Variants in TAMM41 observed in about 807,000 individuals in gnomAD.
The protein encoded by TAMM41 is TAM41 mitochondrial translocator assembly and maintenance homolog, also known as phosphatidate cytidylyltransferase, mitochondrial.
In TAMM41, 36 loss-of-function variants were observed where a neutral mutation model predicts 44.1. That is an observed-to-expected ratio of 0.82 (90% CI 0.63 to 1.08). The LOEUF is 1.08. TAMM41 is among the 50% of genes least tolerant of loss of function. The pLI is 0.00. For synonymous variants in TAMM41, 164 were observed against 153.1 expected (o/e 1.07, Z -0.53); for missense variants, 417 against 404.3 (o/e 1.03, Z -0.27).
chr3:11,782,402 C>G, the TAMM41 span, among the ~76,000 whole-genome samples: 1 of 151,836 alleles, frequency 6.6e-6, no homozygotes, highest in African/African-American at 2.4e-5. Flanking sequence ...AAAAAATTAG[C>G]CAGGGGTGGT....
chr3:11,844,168 G>C lies in TAMM41; in HGVS notation c.179C>G (p.Ala60Gly), dbSNP rs752473006. Residue 60 changes from alanine to glycine, a missense_variant, in exon 2 of 8, where the codon GCA becomes GGA. Transcript: ENST00000455809. Reference protein sequence around the residue: ...DFVFTVDDPVAWHSKNLKKNW... With the variant: ...DFVFTVDDPVGWHSKNLKKNW... ...TTTCTTCAGGTTCTTTGAATGCCAT[G>C]CGACAGGGTCATCTACTGTGAACAC... The C allele has an allele frequency of 6.2e-7, 1 of 1,614,186 alleles. No individual in the cohort carries two copies. The highest frequency in any genetic ancestry group is 1.1e-5 in the South Asian group (1 of 91,084).
chr3:11,756,141 A>G, the TAMM41 span, among the ~76,000 whole-genome samples: 1 of 152,184 alleles, frequency 6.6e-6, no homozygotes, highest in Non-Finnish European at 1.5e-5. Flanking sequence ...AGTGCTCTGC[A>G]CATAGTAGGT....
At chr3:11,744,456 G>C in the TAMM41 span, among the ~76,000 whole-genome samples, 1 of 151,988 alleles carries the variant, frequency 6.6e-6, no homozygotes, top group African/African-American at 2.4e-5. Context: ...CACTTTGTGG[G>C]GGCCAAGGCT....
At chr3:11,747,063 A>G in the TAMM41 span, among the ~76,000 whole-genome samples, 89 of 152,258 alleles carry the variant, frequency 5.8e-4, 1 homozygote, top group East Asian at 0.016. Flanking sequence ...GACGTGTGGT[A>G]GAACTTTATT....
the TAMM41 span, among the ~76,000 whole-genome samples, chr3:11,755,034 AG>A: frequency 6.6e-6 from 1 of 151,968 alleles, no homozygotes; most frequent in Non-Finnish European, 1.5e-5. Context: ...CCTTCCTTCT[AG>A]GATTCTGAAC....
intron 7 of TAMM41, chr3:11,807,305 C>T (rs1263715592): frequency 2.9e-5 from 42 of 1,444,716 alleles, no homozygotes; most frequent in East Asian, 1.5e-4. Context: ...TGGGAGGGTG[C>T]GTACATTTGA....
chr3:11,771,047 T>C, the TAMM41 span, among the ~76,000 whole-genome samples: 1 of 151,776 alleles, frequency 6.6e-6, no homozygotes, highest in Non-Finnish European at 1.5e-5. Flanking sequence ...TCTCTAGGCT[T>C]AGGACCCAGG....
intron 7 of TAMM41, among the ~76,000 whole-genome samples, chr3:11,795,335 C>T (rs2077579126): frequency 6.6e-6 from 1 of 152,210 alleles, no homozygotes; most frequent in African/African-American, 2.4e-5. Flanking sequence ...ATGAATGGCT[C>T]TACTGCTTCC....
rs1240049932 is a variant in TAMM41, at chr3:11,807,835, G to T, written c.935C>A (p.Ala312Asp). 7 of 1,536,024 alleles carry T rather than the reference G, an allele frequency of 4.6e-6. No individual in the cohort carries two copies. The highest frequency in any genetic ancestry group is 6.1e-6 in the Non-Finnish European group (7 of 1,146,928). Residue 312 changes from alanine to aspartate, a missense_variant and splice_region_variant, in exon 7 of 8, where the codon GCT (alanine) becomes GAT (aspartate). By Grantham distance (126) the Ala-to-Asp change is moderately radical. Transcript: ENST00000455809. ...ACACGGATTTCCAAAGCTCTTACCA[G>T]CAGTAAAAATGCCTTTCGTGCTCTG... ...IRQSTKGIFT[A>D]GLKKSVIYSS... is the part of the protein sequence containing the mutation.
chr3:11,800,689 G>T (rs978143068), intron 7 of TAMM41, among the ~76,000 whole-genome samples: 1 of 151,996 alleles, frequency 6.6e-6, no homozygotes, highest in Non-Finnish European at 1.5e-5. Flanking sequence ...TAGCTCTAAA[G>T]AAAGAGATAG....
At chr3:11,746,541 G>A in the TAMM41 span, among the ~76,000 whole-genome samples, 96 of 151,930 alleles carry the variant, frequency 6.3e-4, 1 homozygote, top group Admixed American at 3.9e-4. Context: ...AGCAATAAAA[G>A]AACTACTGAT....
intron 1 of TAMM41, 109 bp downstream of exon 1, chr3:11,846,393 C>G: frequency 7.8e-7 from 1 of 1,279,234 alleles, no homozygotes; most frequent in Non-Finnish European, 1.1e-6. Context: ...CTAGTGGACA[C>G]GTGGAGTGTG....
At chr3:11,740,092 C>CAA in the TAMM41 span, among the ~76,000 whole-genome samples, 26,692 of 151,200 alleles carry the variant, frequency 0.18, 3,156 homozygotes, top group African/African-American at 0.33. Context: ...CAAAACAAAA[C>CAA]AAAAAAAACA....
the TAMM41 span, among the ~76,000 whole-genome samples, chr3:11,775,310 C>T: frequency 6.6e-5 from 10 of 152,280 alleles, no homozygotes; most frequent in East Asian, 9.7e-4. Flanking sequence ...TCAGCCCCCA[C>T]GTTTGCCAGG....
the TAMM41 span, among the ~76,000 whole-genome samples, chr3:11,772,414 G>C: frequency 9.2e-3 from 1,402 of 152,174 alleles, 7 homozygotes; most frequent in Non-Finnish European, 0.014. Context: ...GTGTTCATAT[G>C]TACCTATTGT....
chr3:11,741,216 CAAAAAAAAA>C, the TAMM41 span, among the ~76,000 whole-genome samples: 1 of 61,834 alleles, frequency 1.6e-5, no homozygotes, highest in Non-Finnish European at 2.7e-5. Flanking sequence ...GACACCGTCT[CAAAAAAAAA>C]AAAAAAAAAA....
chr3:11,742,078 T>C, the TAMM41 span, among the ~76,000 whole-genome samples: 1 of 150,238 alleles, frequency 6.7e-6, no homozygotes, highest in Non-Finnish European at 1.5e-5. Context: ...GTATGCATTT[T>C]AGAGGAACAC....
intron 7 of TAMM41, among the ~76,000 whole-genome samples, chr3:11,792,173 A>ATT (rs34977134): frequency 1.4e-3 from 210 of 147,266 alleles, no homozygotes; most frequent in East Asian, 4.8e-3. Flanking sequence ...CCATGTAGCC[A>ATT]TTTTTTTTTT....
chr3:11,790,465 T>C lies in TAMM41; in HGVS notation c.*40A>G, dbSNP rs1329529017. ...TGTTCTGTCAAAAAGGATCAAACAC[T>C]TTATTCATCTACACATAACATATAT... On this transcript the variant is annotated 3_prime_UTR_variant, in exon 8 of 8. Transcript: ENST00000455809. 3 of 1,533,924 alleles carry C rather than the reference T, an allele frequency of 2.0e-6. No individual in the cohort carries two copies. Among genetic ancestry groups the C allele is most frequent in the Non-Finnish European group, 2.7e-6 (3 of 1,109,318 alleles).
Sources: gnomAD v4.1 joint callset for allele counts (sites outside exome capture counted in the v4.1 genomes callset) on GRCh38, gnomAD v4.1.1 for gene constraint, MANE v1.5 for transcripts, NCBI Gene and HGNC (gene_info 2026-07-23, HGNC 2026-07-21) for gene names.